Variants in UNC13A observed in about 807,000 individuals in gnomAD.
The protein encoded by UNC13A is unc-13 homolog A.
In UNC13A, 61 loss-of-function variants were observed where a neutral mutation model predicts 219.7. The ratio of observed to expected loss-of-function variants is 0.28; its 90% confidence interval spans 0.23 to 0.34. UNC13A has a LOEUF of 0.34. UNC13A is among the 10% of genes least tolerant of loss of function. UNC13A has a pLI of 1.00. For missense variants in UNC13A, 1,476 were observed against 2,270.3 expected (o/e 0.65, Z 7.11); for synonymous variants, 920 against 884.6 (o/e 1.04, Z -0.71).
chr19:17,616,303 C>G (rs1417249466), intron 41 of UNC13A: 1 of 620,670 alleles, frequency 1.6e-6, no homozygotes, highest in Non-Finnish European at 2.9e-6. Context: ...GGCGGCCCTG[C>G]AGGCCCTTGA....
chr19:17,628,721 C>T (rs1274916517), intron 31 of UNC13A, among the ~76,000 whole-genome samples: 1 of 152,168 alleles, frequency 6.6e-6, no homozygotes, highest in African/African-American at 2.4e-5. Context: ...TACCCACACT[C>T]AGATATGTAC....
At chr19:17,612,259 T>C in intron 41 of UNC13A, 1 of 160,770 alleles carries the variant, frequency 6.2e-6, no homozygotes, top group Non-Finnish European at 1.4e-5. Flanking sequence ...TACATAGTTG[T>C]CACTCCCTCC....
Position 17,656,054 on chromosome 19 carries a change from T to C in UNC13A, c.1112A>G (p.Asp371Gly). 1.3e-6 allele frequency: 2 copies of C among 1,557,478 alleles called. No individual in the cohort carries two copies. The highest frequency in any genetic ancestry group is 1.2e-5 in the South Asian group (1 of 84,552). The change falls in exon 10 of 44, where the codon GAC becomes GGC. Residue 371 changes from aspartate to glycine, a missense_variant. Transcript: ENST00000519716. The stretch of plus-strand genomic sequence containing the variant: ...TGGCGGGAGGCTGATGCGTTTGAAG[T>C]CTTTGGGCTCAGCCACAGCTACGTC... ...REDVAVAEPK[D>G]FKRISLPPAA...
At chr19:17,617,630 G>A in intron 41 of UNC13A, 72 bp downstream of exon 41, 1 of 1,580,952 alleles carries the variant, frequency 6.3e-7, no homozygotes, top group Non-Finnish European at 8.7e-7. Context: ...TGAGCCAATG[G>A]CAGCCGTTCA....
In UNC13A at chr19:17,674,237, G is replaced by A. The variant is rs2079852514; in HGVS notation, c.152+420C>T. On this transcript the variant is annotated intron_variant, in intron 3 of 43. Transcript: ENST00000519716. This position sits in a 1 kb window ranked among gnomAD's most constrained non-coding sequence, Gnocchi z 5.0. Reference sequence around the variant, plus strand: ...AAAGGGGCAGAGGTGGGTGTGGCTGGGGCAGGTGAGGGAGATAGAGCGAGA... The same window carrying A: ...AAAGGGGCAGAGGTGGGTGTGGCTGAGGCAGGTGAGGGAGATAGAGCGAGA... Among the ~76,000 whole-genome samples, 1 of 152,218 alleles carries A rather than the reference G, an allele frequency of 6.6e-6. No homozygotes were observed. The highest frequency in any genetic ancestry group is 1.5e-5 in the Non-Finnish European group (1 of 68,048).
At chr19:17,613,089 G>A (rs934132691) in intron 41 of UNC13A, among the ~76,000 whole-genome samples, 20 of 152,004 alleles carry the variant, frequency 1.3e-4, no homozygotes, top group African/African-American at 4.8e-4. Context: ...AAAATTAGCC[G>A]GGTGTGGTAG....
chr19:17,667,394 G>C (rs1218531008), intron 6 of UNC13A, among the ~76,000 whole-genome samples: 1 of 152,184 alleles, frequency 6.6e-6, no homozygotes, highest in East Asian at 1.9e-4. Flanking sequence ...CCAGACCTTA[G>C]CATCATGCAA....
intron 37 of UNC13A, among the ~76,000 whole-genome samples, chr19:17,621,528 T>G (rs995796319): frequency 9.9e-5 from 15 of 151,984 alleles, no homozygotes; most frequent in Non-Finnish European, 1.5e-5. Flanking sequence ...TGTAGGCTCC[T>G]CAAGAAGGCA....
At chr19:17,682,673 G>A (rs1186954119) in intron 1 of UNC13A, among the ~76,000 whole-genome samples, 15 of 152,204 alleles carry the variant, frequency 9.9e-5, no homozygotes, top group Admixed American at 9.8e-4. Context: ...GCCAGGAACG[G>A]AGGGATGTGT....
chr19:17,676,551 C>T (rs776040491), intron 1 of UNC13A, among the ~76,000 whole-genome samples: 3 of 152,236 alleles, frequency 2.0e-5, no homozygotes, highest in Admixed American at 6.5e-5. Flanking sequence ...AAGAAGAAGG[C>T]GAGGATAAAG....
intron 25 of UNC13A, among the ~76,000 whole-genome samples, chr19:17,637,385 C>A (rs987440073): frequency 2.0e-5 from 3 of 151,816 alleles, no homozygotes; most frequent in Non-Finnish European, 2.9e-5. Flanking sequence ...GCAAGCTCTG[C>A]CTCCCAGGTT....
At chr19:17,680,749 T>C (rs188145484) in intron 1 of UNC13A, among the ~76,000 whole-genome samples, 217 of 152,030 alleles carry the variant, frequency 1.4e-3, no homozygotes, top group African/African-American at 5.0e-3. Context: ...ATTATTATTA[T>C]TACTGATATC....
intron 38 of UNC13A, among the ~76,000 whole-genome samples, chr19:17,619,209 C>G (rs1030484833): frequency 3.9e-5 from 6 of 152,128 alleles, no homozygotes; most frequent in Non-Finnish European, 7.3e-5. Context: ...ACAGGAGAAA[C>G]AGACAGGGAC....
intron 4 of UNC13A, among the ~76,000 whole-genome samples, chr19:17,671,240 G>A (rs2079782260): frequency 6.6e-6 from 1 of 152,120 alleles, no homozygotes; most frequent in East Asian, 1.9e-4. Flanking sequence ...GAGGACACTT[G>A]AAGCTCAGGG....
chr19:17,658,321 G>A, intron 8 of UNC13A, 52 bp from the exon 9 acceptor site: 1 of 1,532,552 alleles, frequency 6.5e-7, no homozygotes, highest in South Asian at 1.2e-5. Context: ...GAGTGCACAT[G>A]ATGGGAGCCA....
chr19:17,673,666 C>T (rs2079839503), intron 3 of UNC13A, among the ~76,000 whole-genome samples: 1 of 151,732 alleles, frequency 6.6e-6, no homozygotes, highest in African/African-American at 2.4e-5. Flanking sequence ...ACACTCCAGC[C>T]TGGGCCACAG....
intron 31 of UNC13A, chr19:17,628,367 C>G (rs1196776367): frequency 4.8e-6 from 1 of 208,300 alleles, no homozygotes; most frequent in Non-Finnish European, 9.8e-6. Context: ...TACACACACT[C>G]AGACATGCAC....
chr19:17,652,291 C>T (rs2079363216), intron 12 of UNC13A, among the ~76,000 whole-genome samples: 1 of 152,032 alleles, frequency 6.6e-6, no homozygotes, highest in Non-Finnish European at 1.5e-5. Context: ...GCCAGCATGC[C>T]CAGCTAATTT....
At chr19:17,616,327 T>G in intron 41 of UNC13A, 1 of 658,298 alleles carries the variant, frequency 1.5e-6, no homozygotes, top group Non-Finnish European at 2.8e-6. Flanking sequence ...AGAAGGACGA[T>G]CCTTTTACTA....
Sources: allele counts gnomAD v4.1 joint callset (sites outside exome capture counted in the v4.1 genomes callset), GRCh38; gene constraint gnomAD v4.1.1; non-coding constraint Gnocchi (gnomAD v3.1); transcripts MANE v1.5; gene names NCBI Gene and HGNC (gene_info 2026-07-23, HGNC 2026-07-21).